TMEM116: variants seen among roughly 807,000 people sequenced by gnomAD.
TMEM116 encodes the protein transmembrane protein 116.
TMEM116 carries 38 observed loss-of-function variants against 44.3 expected under a neutral mutation model. The observed-to-expected ratio is 0.86, with a 90% CI of 0.66 to 1.12. The LOEUF is 1.12. Among genes scored for constraint, TMEM116 ranks in the 50% most tolerant of loss-of-function variants. The pLI, the probability that TMEM116 is intolerant of heterozygous loss-of-function variation, is 0.00. For missense variants in TMEM116, 354 were observed against 401.7 expected, an observed-to-expected ratio of 0.88 and a Z score of 1.01; for synonymous variants, 132 against 144.8, an observed-to-expected ratio of 0.91 and a Z score of 0.64.
Position 112,007,838 on chromosome 12 carries a change from C to T in TMEM116, c.-33-2535G>A, listed in dbSNP as rs186542946. Among the ~76,000 whole-genome samples, 47 of 152,312 alleles carry T rather than the reference C, an allele frequency of 3.1e-4. 2 individuals carry two copies. Among genetic ancestry groups the T allele is most frequent in the Admixed American group, 2.9e-3 (44 of 15,296 alleles). ...GGTGTTCTCTTCTAAAACATCTATA[C>T]CATCTACCAACATTTGGGAATTTAC... On this transcript the variant is annotated intron_variant, in intron 1 of 10. Coordinates refer to ENST00000552374, the MANE Select transcript of TMEM116 (RefSeq NM_001193531.2).
chr12:111,980,497 A>G (rs896504265), intron 4 of TMEM116, among the ~76,000 whole-genome samples: 2 of 152,188 alleles, frequency 1.3e-5, no homozygotes, highest in African/African-American at 4.8e-5. Context: ...TGGACACATG[A>G]CAGTATGAAT....
At chr12:111,941,664 G>C (rs149418421) in intron 5 of TMEM116, among the ~76,000 whole-genome samples, 1 of 152,118 alleles carries the variant, frequency 6.6e-6, no homozygotes, top group African/African-American at 2.4e-5. Flanking sequence ...ATGATATCTT[G>C]TTCAGGATAC....
chr12:111,966,781 C>G (rs1323194505), intron 4 of TMEM116, among the ~76,000 whole-genome samples: 4 of 152,278 alleles, frequency 2.6e-5, no homozygotes, highest in Admixed American at 6.5e-5. Flanking sequence ...CTGTACTGAG[C>G]CATTTCTCCT....
At chr12:111,995,042 C>G (rs2076853497) in intron 3 of TMEM116, among the ~76,000 whole-genome samples, 1 of 152,182 alleles carries the variant, frequency 6.6e-6, no homozygotes, top group African/African-American at 2.4e-5. Context: ...TATAGGCTCT[C>G]TGCAGGGAGA....
intron 4 of TMEM116, among the ~76,000 whole-genome samples, chr12:111,954,014 A>G (rs2073917848): frequency 1.3e-5 from 2 of 152,192 alleles, no homozygotes; most frequent in South Asian, 2.1e-4. Flanking sequence ...ATCAGTATTA[A>G]CCCTAGTTTA....
intron 5 of TMEM116, among the ~76,000 whole-genome samples, 191 bp downstream of exon 5, chr12:111,943,074 A>T (rs2072993921): frequency 6.6e-6 from 1 of 151,884 alleles, no homozygotes; most frequent in Admixed American, 6.6e-5. Flanking sequence ...GGCATGTGCT[A>T]CAATGCCCGG....
intron 9 of TMEM116, among the ~76,000 whole-genome samples, chr12:111,933,524 T>G (rs1327882493): frequency 6.8e-6 from 1 of 146,876 alleles, no homozygotes; most frequent in African/African-American, 2.5e-5. Context: ...AGTCTCGCCC[T>G]GTCACCCAGG....
At chr12:111,969,048 C>T (rs1322861616) in intron 4 of TMEM116, among the ~76,000 whole-genome samples, 4 of 149,730 alleles carry the variant, frequency 2.7e-5, no homozygotes, top group South Asian at 2.1e-4. Flanking sequence ...TGGCCAGGCG[C>T]GGTGGCTCAC....
At chr12:111,957,831 A>G (rs1440105755) in intron 4 of TMEM116, among the ~76,000 whole-genome samples, 1 of 152,230 alleles carries the variant, frequency 6.6e-6, no homozygotes, top group Non-Finnish European at 1.5e-5. Context: ...TGTTGAATAG[A>G]AAAGGGGGAA....
intron 4 of TMEM116, among the ~76,000 whole-genome samples, chr12:111,979,849 A>G (rs770424080): frequency 2.7e-4 from 41 of 152,252 alleles, no homozygotes; most frequent in African/African-American, 4.3e-4. Context: ...TCAACATTAT[A>G]TGTCATTAGA....
intron 4 of TMEM116, among the ~76,000 whole-genome samples, chr12:111,944,522 G>A (rs904429030): frequency 1.3e-5 from 2 of 152,088 alleles, no homozygotes; most frequent in East Asian, 3.9e-4. Context: ...GTGAGTACAG[G>A]AGGGGGAATC....
At position 111,943,962 on chromosome 12, in the gene TMEM116, G is replaced by C. The variant is rs1185166022; in HGVS notation, c.211-593C>G. ...TGCCCCACAGTCCCACTTTTACGAA[G>C]ATATCATATAATCTTTTTCTATTTT... On this transcript the variant is annotated intron_variant, in intron 4 of 10. Transcript: ENST00000552374. Among the ~76,000 whole-genome samples, 8 of 152,096 alleles carry C rather than the reference G, an allele frequency of 5.3e-5. No individual in the cohort carries two copies. The East Asian group carries it at 9.6e-4, about 18-fold the overall frequency.
At chr12:112,012,127 TA>T (rs2077868816) in intron 1 of TMEM116, 1 of 152,270 alleles carries the variant, frequency 6.6e-6, no homozygotes, top group African/African-American at 2.4e-5. Context: ...TGCCTGTGCA[TA>T]ATTTTCCCAT....
rs751082758 is a variant in TMEM116 at position 111,943,248 on chromosome 12, C to A, written c.315+17G>T. On this transcript the variant is annotated intron_variant, in intron 5 of 10. Transcript: ENST00000552374. ...CTAGCATACTATTATTAACTATCAG[C>A]CCTGAATAAAACTTACCAGTGGAGA... 3 of 1,586,820 alleles carry A rather than the reference C, an allele frequency of 1.9e-6. No individual in the cohort carries two copies. The highest frequency in any genetic ancestry group is 2.6e-6 in the Non-Finnish European group (3 of 1,155,358).
intron 3 of TMEM116, 27 bp from the exon 4 acceptor site, chr12:111,991,916 CAT>C: frequency 6.5e-7 from 1 of 1,529,810 alleles, no homozygotes; most frequent in Non-Finnish European, 8.8e-7. Flanking sequence ...ATCCTCATTT[CAT>C]ATGTGATGTA....
At chr12:112,002,706 T>C (rs73428216) in intron 3 of TMEM116, among the ~76,000 whole-genome samples, 21,591 of 152,220 alleles carry the variant, frequency 0.14, 2,529 homozygotes, top group African/African-American at 0.32. Flanking sequence ...CTCTTATAGA[T>C]TGATGAGGAC....
At chr12:111,993,262 G>A in intron 3 of TMEM116, 5 of 452,786 alleles carry the variant, frequency 1.1e-5, no homozygotes, top group South Asian at 1.9e-5. Flanking sequence ...GTGAAATGCT[G>A]TATGCAGGTG....
At chr12:111,973,382 C>A (rs541446387) in intron 4 of TMEM116, among the ~76,000 whole-genome samples, 113 of 152,090 alleles carry the variant, frequency 7.4e-4, no homozygotes, top group African/African-American at 2.7e-3. Context: ...CGGGATATAC[C>A]AGCTACCATG....
intron 4 of TMEM116, among the ~76,000 whole-genome samples, chr12:111,980,359 A>C (rs2075872745): frequency 2.6e-5 from 4 of 152,186 alleles, no homozygotes; most frequent in Admixed American, 2.6e-4. Context: ...TGACATTCTA[A>C]AAAGGCAAAA....
Sources: gnomAD v4.1 joint callset for allele counts (sites outside exome capture counted in the v4.1 genomes callset) on GRCh38, gnomAD v4.1.1 for gene constraint, MANE v1.5 for transcripts, NCBI Gene and HGNC (gene_info 2026-07-23, HGNC 2026-07-21) for gene names.